Variants in KBTBD3 observed in about 807,000 individuals in gnomAD.
KBTBD3 encodes the protein kelch repeat and BTB domain containing 3, also known as kelch repeat and BTB domain-containing protein 3.
KBTBD3 carries 38 observed loss-of-function variants against 49.6 expected under a neutral mutation model. The ratio of observed to expected loss-of-function variants is 0.77; its 90% CI spans 0.59 to 1.00. The LOEUF is 1.00. Ranked by LOEUF, KBTBD3 falls within the 50% of genes least tolerant of loss-of-function variation. The pLI is 0.00. For missense variants in KBTBD3, 661 were observed against 712.0 expected, an observed-to-expected ratio of 0.93 and a Z score of 0.81; for synonymous variants, 214 against 250.4, an observed-to-expected ratio of 0.85 and a Z score of 1.37.
intron 3 of KBTBD3, among the ~76,000 whole-genome samples, chr11:106,057,183 TG>T (rs1424871978): frequency 6.6e-6 from 1 of 152,068 alleles, no homozygotes; most frequent in African/African-American, 2.4e-5. Flanking sequence ...GTTTGTTGAA[TG>T]AAATCTAGCT....
Position 106,053,070 on chromosome 11 carries a change from G to C in KBTBD3, c.1619C>G (p.Ala540Gly), listed in dbSNP as rs763514383. The change falls in exon 4 of 4, where the codon GCA becomes GGA. Residue 540 changes from alanine to glycine, a missense_variant. By Grantham distance (60) the Ala-to-Gly change is moderately conservative. Transcript: ENST00000531837. ...VWKGEGSFEC[A>G]GFNAGAIGIE... is the part of the protein sequence containing the mutation. ...TCCAATTGCACCTGCATTAAAGCCT[G>C]CACACTCAAAAGATCCTTCGCCTTT... is the stretch of plus-strand genomic sequence containing the variant. 1 of 1,613,650 alleles carries C rather than the reference G, an allele frequency of 6.2e-7. No individual in the cohort carries two copies. Among genetic ancestry groups the C allele is most frequent in the Non-Finnish European group, 8.5e-7 (1 of 1,179,728 alleles).
intron 3 of KBTBD3, 42 bp from the exon 4 acceptor site, chr11:106,054,497 A>C: frequency 7.1e-7 from 1 of 1,407,864 alleles, no homozygotes; most frequent in South Asian, 1.8e-5. Context: ...AGAATATTTT[A>C]TTCCATAATT....
intron 2 of KBTBD3, among the ~76,000 whole-genome samples, chr11:106,065,136 AT>A (rs956754164): frequency 1.3e-5 from 2 of 152,164 alleles, no homozygotes; most frequent in African/African-American, 4.8e-5. Context: ...GATACTGAAT[AT>A]TTTTTTCACA....
chr11:106,069,264 A>G (rs1396407926), intron 2 of KBTBD3, among the ~76,000 whole-genome samples: 1 of 152,074 alleles, frequency 6.6e-6, no homozygotes, highest in Non-Finnish European at 1.5e-5. Flanking sequence ...AAGAAAATTC[A>G]ATAAAAGGCA....
At chr11:106,069,532 ATACT>A (rs989075189) in intron 2 of KBTBD3, among the ~76,000 whole-genome samples, 3 of 152,108 alleles carry the variant, frequency 2.0e-5, no homozygotes, top group South Asian at 2.1e-4. Flanking sequence ...AGTGAAAGAA[ATACT>A]TACGTATAAA....
chr11:106,058,029 T>C (rs1860589679), intron 3 of KBTBD3: 1 of 398,508 alleles, frequency 2.5e-6, no homozygotes, highest in Non-Finnish European at 4.4e-6. Context: ...CAGAGAACTT[T>C]GGGAAATGCT....
Position 106,052,634 on chromosome 11 carries a change from TG to T in KBTBD3, c.*215del. ...TTTCATGTGAAAATACTAAGTATTC[TG>T]GATTCCCCAAGGTTAAATTATATTC... On this transcript the variant is annotated 3_prime_UTR_variant, in exon 4 of 4. Transcript: ENST00000531837. 2.2e-6 allele frequency: 1 copy of T among 461,948 alleles called. No homozygotes were observed. Among genetic ancestry groups the T allele is most frequent in the East Asian group, 3.6e-5 (1 of 27,556 alleles). The allele number at this position is 461,948 out of a possible 1,614,324, so 28.6% of individuals were successfully genotyped here. A position where few individuals can be genotyped will look rare whatever the true frequency, so the allele number is the denominator to read the frequency against.
chr11:106,059,698 A>C (rs556487771), intron 2 of KBTBD3, among the ~76,000 whole-genome samples: 2 of 152,350 alleles, frequency 1.3e-5, no homozygotes, highest in South Asian at 4.1e-4. Flanking sequence ...AGAAAGGAAA[A>C]TCACATATAT....
Position 106,053,290 on chromosome 11 carries a change from C to A in KBTBD3, c.1399G>T (p.Asp467Tyr), listed in dbSNP as rs1278440630. Residue 467 changes from aspartate (D) to tyrosine (Y), a missense_variant, in exon 4 of 4, where the codon GAT becomes TAT. Coordinates refer to ENST00000531837, the MANE Select transcript of KBTBD3 (RefSeq NM_198439.3). The part of the protein sequence containing the change: ...YVLGSEVEIT[D>Y]AFNPSLDCFF... ...CAATCAAGTGATGGGTTAAAAGCAT[C>A]TGTAATCTCTACCTCTGATCCAAGA... The A allele has an allele frequency of 6.2e-7, 1 of 1,613,612 alleles. No homozygotes were observed. The highest frequency in any genetic ancestry group is 1.7e-5 in the Admixed American group (1 of 59,950).
chr11:106,064,634 G>A (rs1288293364), intron 2 of KBTBD3, among the ~76,000 whole-genome samples: 1 of 152,172 alleles, frequency 6.6e-6, no homozygotes, highest in Non-Finnish European at 1.5e-5. Flanking sequence ...CAATATGATT[G>A]AAAACAGTCT....
chr11:106,068,844 A>T (rs1354228021), intron 2 of KBTBD3, among the ~76,000 whole-genome samples: 2 of 152,188 alleles, frequency 1.3e-5, no homozygotes, highest in Non-Finnish European at 2.9e-5. Flanking sequence ...ATATAAAAGG[A>T]ATTATACACT....
chr11:106,067,382 T>C (rs1050862194), intron 2 of KBTBD3, among the ~76,000 whole-genome samples: 2 of 152,122 alleles, frequency 1.3e-5, no homozygotes, highest in Middle Eastern at 3.2e-3. Flanking sequence ...GGAGGGCAGA[T>C]TACCTGAGGT....
At chr11:106,065,196 C>A (rs1425915195) in intron 2 of KBTBD3, among the ~76,000 whole-genome samples, 2 of 152,066 alleles carry the variant, frequency 1.3e-5, no homozygotes, top group Non-Finnish European at 2.9e-5. Flanking sequence ...TTAGTAGAGA[C>A]GGGGTTTCAC....
rs761394910 is a variant in KBTBD3, at chr11:106,054,482, CA to C, written c.234-28del. The C allele has an allele frequency of 5.4e-5, 78 of 1,456,366 alleles. 1 individual carries two copies. The highest frequency in any genetic ancestry group is 4.7e-5 in the Non-Finnish European group (52 of 1,099,804). 90.2% of individuals were successfully genotyped at this position (1,456,366 alleles called of 1,614,324 possible). A position where few individuals can be genotyped will look rare whatever the true frequency, so the allele number is the denominator to read the frequency against. On this transcript the variant is annotated intron_variant, in intron 3 of 3. Transcript: ENST00000531837. Reference sequence around the variant, plus strand: ...TGCAAAAATAAAGAACACAGAAAAACAGCAAGAATATTTTATTCCATAATTA... The same window carrying C: ...TGCAAAAATAAAGAACACAGAAAAACGCAAGAATATTTTATTCCATAATTA...
Position 106,052,036 on chromosome 11 carries a change from T to C in KBTBD3, c.*814A>G, listed in dbSNP as rs1340896803. On this transcript the variant is annotated 3_prime_UTR_variant, in exon 4 of 4. Transcript: ENST00000531837. ...TAGCAATGATACATAAAAAGTATTT[T>C]AGTACTGCCATCCCAGAATCCAAAA... The C allele has an allele frequency of 6.6e-6, 1 of 151,914 alleles. No individual in the cohort carries two copies. Among genetic ancestry groups the C allele is most frequent in the Non-Finnish European group, 1.5e-5 (1 of 67,870 alleles). The allele number at this position is 151,914 out of a possible 1,614,324, so 9.4% of individuals were successfully genotyped here.
chr11:106,073,479 TACAA>T (rs1345817359), intron 2 of KBTBD3, among the ~76,000 whole-genome samples: 1 of 152,156 alleles, frequency 6.6e-6, no homozygotes, highest in Non-Finnish European at 1.5e-5. Context: ...ATCTTCATTT[TACAA>T]ACAGAGAAAA....
intron 3 of KBTBD3, among the ~76,000 whole-genome samples, chr11:106,056,322 A>G (rs1187646505): frequency 6.6e-6 from 1 of 152,238 alleles, no homozygotes; most frequent in African/African-American, 2.4e-5. Flanking sequence ...TTAAAAATAC[A>G]TTGTTCTAAC....
intron 2 of KBTBD3, among the ~76,000 whole-genome samples, chr11:106,072,433 T>G (rs1591539542): frequency 6.6e-6 from 1 of 152,196 alleles, no homozygotes; most frequent in East Asian, 1.9e-4. Context: ...GTGCCATAGT[T>G]GGCATTTTTT....
intron 3 of KBTBD3, among the ~76,000 whole-genome samples, chr11:106,056,798 C>T (rs190062136): frequency 2.6e-5 from 4 of 152,210 alleles, no homozygotes; most frequent in Non-Finnish European, 4.4e-5. Context: ...TTAAGAGGCC[C>T]ACTACTTAAC....
Sources: gnomAD v4.1 joint callset for allele counts (sites outside exome capture counted in the v4.1 genomes callset) on GRCh38, gnomAD v4.1.1 for gene constraint, MANE v1.5 for transcripts, NCBI Gene and HGNC (gene_info 2026-07-23, HGNC 2026-07-21) for gene names.